GRIA4: variants seen among roughly 807,000 people sequenced by gnomAD.
GRIA4 encodes glutamate receptor 4.
GRIA4 carries 34 observed loss-of-function variants against 104.0 expected under a neutral mutation model. The ratio of observed to expected loss-of-function variants is 0.33; its 90% CI spans 0.25 to 0.44. The LOEUF (loss-of-function observed/expected upper bound fraction) is 0.44. Ranked by LOEUF, GRIA4 falls within the 20% of genes least tolerant of loss-of-function variation. GRIA4 has a pLI of 1.00. For missense variants in GRIA4, 750 were observed against 1,096.5 expected (o/e 0.68, Z 4.46); for synonymous variants, 386 against 381.9 (o/e 1.01, Z -0.13).
intron 4 of GRIA4, among the ~76,000 whole-genome samples, chr11:105,823,659 T>C (rs548584267): frequency 6.6e-6 from 1 of 152,074 alleles, no homozygotes; most frequent in Non-Finnish European, 1.5e-5. Context: ...TATAATAAGA[T>C]CTATGGATAT....
chr11:105,631,000 A>G lies in GRIA4; in HGVS notation c.247+18566A>G, dbSNP rs551546059. On this transcript the variant is annotated intron_variant, in intron 3 of 16. Coordinates refer to ENST00000282499, the MANE Select transcript of GRIA4 (RefSeq NM_000829.4). ...GGGACATCACAGCTCTTTATTTAAA[A>G]TTCTCGTCTAAACCCCAAAGATTCT... 1.6e-4 allele frequency among the ~76,000 whole-genome samples: 24 copies of G among 152,334 alleles called. No individual in the cohort carries two copies. The South Asian group carries it at 5.0e-3, about 32-fold the overall frequency.
At chr11:105,900,266 T>C (rs1203430315) in intron 7 of GRIA4, among the ~76,000 whole-genome samples, 2 of 152,196 alleles carry the variant, frequency 1.3e-5, no homozygotes, top group Non-Finnish European at 1.5e-5. Context: ...TCTAAGTGTT[T>C]AATTTTTCAA....
chr11:105,664,884 T>C (rs769640502), intron 3 of GRIA4, among the ~76,000 whole-genome samples: 4 of 152,018 alleles, frequency 2.6e-5, no homozygotes, highest in South Asian at 2.1e-4. Context: ...TCCATTTTGT[T>C]TAATGATGCC....
intron 3 of GRIA4, among the ~76,000 whole-genome samples, chr11:105,741,557 A>G (rs547968319): frequency 7.9e-5 from 12 of 152,298 alleles, no homozygotes; most frequent in African/African-American, 2.9e-4. Context: ...AACTCTGGAA[A>G]GTATGCTTGT....
chr11:105,743,160 A>G (rs1225239586), intron 3 of GRIA4, among the ~76,000 whole-genome samples: 1 of 152,140 alleles, frequency 6.6e-6, no homozygotes, highest in Admixed American at 6.5e-5. Flanking sequence ...TCCCTGAGGT[A>G]TTTTAAATGT....
At chr11:105,854,595 G>T (rs1028552363) in intron 4 of GRIA4, among the ~76,000 whole-genome samples, 6 of 152,290 alleles carry the variant, frequency 3.9e-5, no homozygotes, top group Middle Eastern at 3.4e-3. Flanking sequence ...ATGTAAAGAG[G>T]CATTTGCAAA....
At chr11:105,950,296 G>A (rs958296727) in intron 14 of GRIA4, among the ~76,000 whole-genome samples, 1 of 152,128 alleles carries the variant, frequency 6.6e-6, no homozygotes, top group Admixed American at 6.5e-5. Context: ...ATAAATATGA[G>A]AGTCACTTGT....
intron 14 of GRIA4, among the ~76,000 whole-genome samples, chr11:105,953,870 T>C (rs1434974137): frequency 6.6e-6 from 1 of 152,178 alleles, no homozygotes; most frequent in Non-Finnish European, 1.5e-5. Context: ...AAGAACATAG[T>C]TGCTAGCCAT....
At chr11:105,733,256 A>G (rs184174517) in intron 3 of GRIA4, among the ~76,000 whole-genome samples, 28 of 152,312 alleles carry the variant, frequency 1.8e-4, no homozygotes, top group African/African-American at 6.3e-4. Flanking sequence ...TACTTTAGAG[A>G]AGATACGGTG....
At position 105,882,780 on chromosome 11, in the gene GRIA4, C is replaced by T. The variant is rs563181672; in HGVS notation, c.673-4739C>T. ...AATCCTTAAATCTCTTAGCCTTAAT[C>T]GTATAGGTAGGAAGTACTCCATTGG... On this transcript the variant is annotated intron_variant, in intron 5 of 16. Coordinates refer to ENST00000282499, the MANE Select transcript of GRIA4 (RefSeq NM_000829.4). 1.7e-4 allele frequency among the ~76,000 whole-genome samples: 26 copies of T among 152,170 alleles called. 1 individual carries two copies. The South Asian group carries it at 3.9e-3, about 23-fold the overall frequency.
chr11:105,976,017 A>C (rs74767148), intron 16 of GRIA4, among the ~76,000 whole-genome samples: 2 of 152,124 alleles, frequency 1.3e-5, no homozygotes, highest in African/African-American at 4.8e-5. Flanking sequence ...AAAGTGGGAT[A>C]ATATCAAGGT....
At chr11:105,672,076 C>G (rs1952391565) in intron 3 of GRIA4, among the ~76,000 whole-genome samples, 1 of 152,040 alleles carries the variant, frequency 6.6e-6, no homozygotes, top group African/African-American at 2.4e-5. Context: ...GAACATTTAT[C>G]ATTAAAAACT....
intron 9 of GRIA4, 59 bp downstream of exon 9, chr11:105,905,360 T>G: frequency 2.2e-6 from 2 of 923,636 alleles, no homozygotes; most frequent in Non-Finnish European, 3.6e-6. Context: ...TATGTAACAT[T>G]TTAAAGGTGT....
chr11:105,703,696 C>T (rs1205460280), intron 3 of GRIA4, among the ~76,000 whole-genome samples: 1 of 152,058 alleles, frequency 6.6e-6, no homozygotes, highest in African/African-American at 2.4e-5. Context: ...TTTTGATACA[C>T]TTTTACATAG....
intron 1 of GRIA4, 81 bp from the exon 2 acceptor site, chr11:105,610,827 C>T (rs946193644): frequency 3.4e-6 from 2 of 586,412 alleles, no homozygotes; most frequent in East Asian, 5.7e-5. Context: ...AATCTTAAAC[C>T]ACCGAAACCT....
chr11:105,835,150 T>G (rs1210118585), intron 4 of GRIA4, among the ~76,000 whole-genome samples: 1 of 151,980 alleles, frequency 6.6e-6, no homozygotes, highest in Non-Finnish European at 1.5e-5. Context: ...TATTTAATGT[T>G]ACTATTAAAT....
chr11:105,820,856 T>C (rs571221632), intron 4 of GRIA4, among the ~76,000 whole-genome samples: 15 of 152,178 alleles, frequency 9.9e-5, no homozygotes, highest in Non-Finnish European at 1.9e-4. Context: ...AAATGTAGCT[T>C]TTCCTGATTT....
At chr11:105,697,726 G>A (rs1428589152) in intron 3 of GRIA4, among the ~76,000 whole-genome samples, 1 of 152,138 alleles carries the variant, frequency 6.6e-6, no homozygotes, top group East Asian at 1.9e-4. Context: ...AGTGGGGGGA[G>A]GGGTGGTGCA....
chr11:105,788,431 C>T (rs1403532973), intron 4 of GRIA4, among the ~76,000 whole-genome samples: 1 of 152,098 alleles, frequency 6.6e-6, no homozygotes, highest in Non-Finnish European at 1.5e-5. Context: ...ATTAATAAGA[C>T]AGCTGCAACG....
Sources: gnomAD v4.1 joint callset for allele counts (sites outside exome capture counted in the v4.1 genomes callset) on GRCh38, gnomAD v4.1.1 for gene constraint, MANE v1.5 for transcripts, NCBI Gene and HGNC (gene_info 2026-07-23, HGNC 2026-07-21) for gene names.